Variants in NCOA2 observed in about 807,000 individuals in gnomAD.
NCOA2 encodes the protein nuclear receptor coactivator 2, also known as class E basic helix-loop-helix protein 75.
Under a neutral mutation model 145.1 loss-of-function variants are expected in NCOA2, and 21 were observed. That is an observed-to-expected ratio of 0.14 (90% CI 0.10 to 0.21). The LOEUF (loss-of-function observed/expected upper bound fraction) is 0.21, where lower values mean the gene tolerates loss of function less well. NCOA2 is among the 10% of genes least tolerant of loss of function. The pLI, the probability that NCOA2 is intolerant of heterozygous loss-of-function variation, is 1.00. For missense variants in NCOA2, 1,472 were observed against 1,837.6 expected, an observed-to-expected ratio of 0.80 and a Z score of 3.64; for synonymous variants, 619 against 637.5, an observed-to-expected ratio of 0.97 and a Z score of 0.44.
chr8:70,121,643 C>A lies in NCOA2; in HGVS notation c.4294-252G>T, dbSNP rs555197793. ...CTTTATCTGCATGCTGTACAGAAAT[C>A]AAATTCAATTGACTTAATAATAATA... is the stretch of plus-strand genomic sequence containing the variant. On this transcript the variant is annotated intron_variant, in intron 21 of 22. Coordinates refer to ENST00000452400, the MANE Select transcript of NCOA2 (RefSeq NM_006540.4). 3.3e-5 allele frequency among the ~76,000 whole-genome samples: 5 copies of A among 152,292 alleles called. No homozygotes were observed. The South Asian group carries it at 8.3e-4, about 25-fold the overall frequency.
At chr8:70,412,332 A>G in the NCOA2 span, among the ~76,000 whole-genome samples, 7 of 151,606 alleles carry the variant, frequency 4.6e-5, no homozygotes, top group African/African-American at 1.7e-4. Flanking sequence ...AAGTTGATAT[A>G]GTTCCCAATA....
chr8:70,365,300 C>T (rs892083137), intron 1 of NCOA2, among the ~76,000 whole-genome samples: 9 of 152,188 alleles, frequency 5.9e-5, no homozygotes, highest in Admixed American at 3.3e-4. Flanking sequence ...CCACTGCACT[C>T]CAGCCTAGGC....
At chr8:70,231,845 A>G (rs1352387907) in intron 2 of NCOA2, among the ~76,000 whole-genome samples, 3 of 152,086 alleles carry the variant, frequency 2.0e-5, no homozygotes, top group Non-Finnish European at 4.4e-5. Flanking sequence ...GAACGCCTCT[A>G]TCTATCTTCC....
At chr8:70,226,538 T>G (rs1313772822) in intron 2 of NCOA2, among the ~76,000 whole-genome samples, 1 of 152,070 alleles carries the variant, frequency 6.6e-6, no homozygotes, top group Non-Finnish European at 1.5e-5. Flanking sequence ...CTCATTTTAC[T>G]GGTATTAGCA....
chr8:70,343,105 G>T (rs1808298270), intron 1 of NCOA2, among the ~76,000 whole-genome samples: 1 of 152,132 alleles, frequency 6.6e-6, no homozygotes, highest in Non-Finnish European at 1.5e-5. Flanking sequence ...AAATACATTA[G>T]CAAGTGCCTA....
chr8:70,118,245 T>C (rs954227768), intron 22 of NCOA2, among the ~76,000 whole-genome samples: 2 of 151,604 alleles, frequency 1.3e-5, no homozygotes, highest in East Asian at 1.9e-4. Flanking sequence ...CGCTCAGAGG[T>C]TGAGCTCCCT....
the NCOA2 span, among the ~76,000 whole-genome samples, chr8:70,426,021 G>T: frequency 1.3e-5 from 2 of 152,116 alleles, no homozygotes; most frequent in Admixed American, 6.5e-5. Flanking sequence ...GCTCTTTCAG[G>T]TATATTATTC....
chr8:70,307,996 A>G (rs969749076), intron 1 of NCOA2, among the ~76,000 whole-genome samples: 1 of 152,218 alleles, frequency 6.6e-6, no homozygotes, highest in Non-Finnish European at 1.5e-5. Flanking sequence ...AATTATTTAC[A>G]TAATAAATAT....
At chr8:70,155,807 G>A (rs145565395) in intron 11 of NCOA2, among the ~76,000 whole-genome samples, 164 bp downstream of exon 11, 2 of 152,328 alleles carry the variant, frequency 1.3e-5, no homozygotes, top group African/African-American at 4.8e-5. Context: ...ACTCTGCTAG[G>A]AGAGTATTTG....
At chr8:70,298,224 T>C (rs566783905) in intron 1 of NCOA2, among the ~76,000 whole-genome samples, 1 of 152,300 alleles carries the variant, frequency 6.6e-6, no homozygotes, top group East Asian at 1.9e-4. Flanking sequence ...TTAACATCAA[T>C]TTAATATCAA....
chr8:70,315,336 G>A (rs1178407784), intron 1 of NCOA2, among the ~76,000 whole-genome samples: 1 of 152,062 alleles, frequency 6.6e-6, no homozygotes, highest in Non-Finnish European at 1.5e-5. Flanking sequence ...ACCTCTTAGA[G>A]ACCCAAAAGA....
the NCOA2 span, among the ~76,000 whole-genome samples, chr8:70,415,354 G>C: frequency 6.6e-6 from 1 of 151,866 alleles, no homozygotes; most frequent in African/African-American, 2.4e-5. Flanking sequence ...AAGTACTAGA[G>C]ACCCAGTACT....
intron 2 of NCOA2, among the ~76,000 whole-genome samples, chr8:70,235,980 C>T (rs1014504149): frequency 2.0e-4 from 30 of 152,182 alleles, no homozygotes; most frequent in African/African-American, 7.2e-4. Flanking sequence ...GCCTTCACCT[C>T]TCAAAGCTTT....
chr8:70,217,442 C>G (rs1286556807), intron 2 of NCOA2, among the ~76,000 whole-genome samples: 2 of 152,100 alleles, frequency 1.3e-5, no homozygotes, highest in Admixed American at 6.5e-5. Context: ...TCCCTGCACA[C>G]AGCATGGTCA....
upstream of NCOA2, among the ~76,000 whole-genome samples, chr8:70,405,313 C>A (rs1451524270): frequency 6.6e-6 from 1 of 151,740 alleles, no homozygotes; most frequent in Non-Finnish European, 1.5e-5. Flanking sequence ...AAGCCTATAA[C>A]AACAAATGTT....
chr8:70,374,509 AAAAG>A (rs1811495595), intron 1 of NCOA2, among the ~76,000 whole-genome samples: 1 of 152,128 alleles, frequency 6.6e-6, no homozygotes, highest in East Asian at 1.9e-4. Flanking sequence ...GGACACACAT[AAAAG>A]AAAGTGAGGC....
chr8:70,233,124 G>A (rs988715114), intron 2 of NCOA2, among the ~76,000 whole-genome samples: 3 of 151,856 alleles, frequency 2.0e-5, no homozygotes, highest in Non-Finnish European at 4.4e-5. Flanking sequence ...TACTCAGGAG[G>A]CTGAGGCAGG....
the NCOA2 span, among the ~76,000 whole-genome samples, chr8:70,433,824 G>A: frequency 2.8e-4 from 42 of 152,240 alleles, 1 homozygote; most frequent in Admixed American, 2.5e-3. Context: ...TTCTTAAAGG[G>A]GGCACCAGGA....
intron 1 of NCOA2, among the ~76,000 whole-genome samples, chr8:70,300,648 CATTTT>C (rs747783212): frequency 5.5e-4 from 83 of 152,248 alleles, no homozygotes; most frequent in Non-Finnish European, 1.0e-3. Context: ...CTCAATATTT[CATTTT>C]ATTTATTTTT....
Sources: allele counts gnomAD v4.1 joint callset (sites outside exome capture counted in the v4.1 genomes callset), GRCh38; gene constraint gnomAD v4.1.1; transcripts MANE v1.5; gene names NCBI Gene and HGNC (gene_info 2026-07-23, HGNC 2026-07-21).